TMEM117: variants seen among roughly 807,000 people sequenced by gnomAD.
TMEM117 encodes the protein transmembrane protein 117.
In TMEM117, 27 loss-of-function variants were observed where a neutral mutation model predicts 52.4. The observed-to-expected ratio is 0.51, with a 90% CI of 0.38 to 0.71. TMEM117 has a LOEUF of 0.71. Among genes scored for constraint, TMEM117 ranks in the 30% least tolerant of loss-of-function variants. The pLI, the probability that TMEM117 is intolerant of heterozygous loss-of-function variation, is 0.00. For synonymous variants in TMEM117, 215 were observed against 206.3 expected (o/e 1.04, Z -0.36); for missense variants, 556 against 630.5 (o/e 0.88, Z 1.26).
chr12:44,349,906 A>G (rs1413989202), intron 6 of TMEM117, among the ~76,000 whole-genome samples: 1 of 152,056 alleles, frequency 6.6e-6, no homozygotes, highest in Non-Finnish European at 1.5e-5. Context: ...AGTATCAGCC[A>G]ATTTGCCACA....
At chr12:44,249,043 G>A (rs1950165709) in intron 5 of TMEM117, 1 of 152,254 alleles carries the variant, frequency 6.6e-6, no homozygotes, top group Non-Finnish European at 1.5e-5. Context: ...AGGAAGCATG[G>A]TGCTGACATC....
Position 44,127,196 on chromosome 12 carries a change from T to C in TMEM117, c.411-16329T>C, listed in dbSNP as rs75048928. 3.9e-4 allele frequency among the ~76,000 whole-genome samples: 59 copies of C among 152,336 alleles called. 1 individual carries two copies. The East Asian group carries it at 9.8e-3, about 25-fold the overall frequency. On this transcript the variant is annotated intron_variant, in intron 3 of 7. Coordinates refer to ENST00000266534, the MANE Select transcript of TMEM117 (RefSeq NM_032256.3). ...AGAGATTTTAAAATATTGTGTCATA[T>C]GTTGATAGGCATTGTATTTTTGGAT... is the stretch of plus-strand genomic sequence containing the variant.
At chr12:44,264,843 CT>C (rs1195521448) in intron 5 of TMEM117, among the ~76,000 whole-genome samples, 1 of 152,062 alleles carries the variant, frequency 6.6e-6, no homozygotes, top group Admixed American at 6.6e-5. Flanking sequence ...TATACTACAG[CT>C]TTTTAGCATT....
chr12:44,353,305 A>T (rs1951593836), intron 6 of TMEM117, among the ~76,000 whole-genome samples: 1 of 151,932 alleles, frequency 6.6e-6, no homozygotes, highest in Non-Finnish European at 1.5e-5. Flanking sequence ...GTTTAATTAG[A>T]TCCCATTTGT....
chr12:43,845,015 A>T, intron 2 of TMEM117, 87 bp downstream of exon 2: 1 of 1,474,392 alleles, frequency 6.8e-7, no homozygotes, highest in Non-Finnish European at 9.1e-7. Flanking sequence ...CTAAGTGCCA[A>T]TGTAGGAGGC....
rs540526090 is a variant in TMEM117, at chr12:44,200,766, A to T, written c.511-10524A>T. Among the ~76,000 whole-genome samples the T allele has an allele frequency of 2.0e-5, 3 of 152,268 alleles. No individual in the cohort carries two copies. The East Asian group carries it at 5.8e-4, about 29-fold the overall frequency. On this transcript the variant is annotated intron_variant, in intron 4 of 7. Coordinates refer to ENST00000266534, the MANE Select transcript of TMEM117 (RefSeq NM_032256.3). ...GAGGAAACATGATGGTTACTGATCAAAGGCAAAGTTGGTAAAGGACAGTTC... is the reference window on the plus strand; with the variant it reads ...GAGGAAACATGATGGTTACTGATCATAGGCAAAGTTGGTAAAGGACAGTTC...
chr12:44,028,935 A>C (rs924282797), intron 3 of TMEM117, among the ~76,000 whole-genome samples: 4 of 152,124 alleles, frequency 2.6e-5, no homozygotes, highest in Non-Finnish European at 4.4e-5. Flanking sequence ...CCAAATGCTA[A>C]CTTTGGGTAA....
intron 6 of TMEM117, among the ~76,000 whole-genome samples, chr12:44,351,644 A>C (rs1435950142): frequency 6.6e-6 from 1 of 151,810 alleles, no homozygotes; most frequent in Non-Finnish European, 1.5e-5. Context: ...TTCTTGGCAC[A>C]TACTCTTTTA....
intron 3 of TMEM117, among the ~76,000 whole-genome samples, chr12:43,998,253 G>T (rs977249516): frequency 3.9e-5 from 6 of 152,212 alleles, no homozygotes; most frequent in Non-Finnish European, 4.4e-5. Context: ...GACATTGGTA[G>T]AGGGAAAGGC....
intron 3 of TMEM117, among the ~76,000 whole-genome samples, chr12:44,116,389 A>C (rs984719331): frequency 2.0e-5 from 3 of 151,996 alleles, no homozygotes; most frequent in Non-Finnish European, 4.4e-5. Flanking sequence ...ACCTACTATT[A>C]AAACTACAAA....
At chr12:43,982,689 G>A (rs1172801827) in intron 3 of TMEM117, among the ~76,000 whole-genome samples, 1 of 152,084 alleles carries the variant, frequency 6.6e-6, no homozygotes, top group Non-Finnish European at 1.5e-5. Context: ...AAAAATCACA[G>A]AACAAATTCC....
chr12:44,229,267 G>A (rs908797164), intron 5 of TMEM117, among the ~76,000 whole-genome samples: 9 of 152,092 alleles, frequency 5.9e-5, no homozygotes, highest in African/African-American at 2.2e-4. Context: ...ATCAGAGAAT[G>A]AAATGGGGAG....
chr12:44,084,117 T>C (rs560578931), intron 3 of TMEM117, among the ~76,000 whole-genome samples: 9 of 152,176 alleles, frequency 5.9e-5, no homozygotes, highest in Admixed American at 1.3e-4. Context: ...AAATCATATA[T>C]ATAGATAGGT....
At chr12:44,072,442 A>G (rs931718136) in intron 3 of TMEM117, among the ~76,000 whole-genome samples, 3 of 152,094 alleles carry the variant, frequency 2.0e-5, no homozygotes, top group Admixed American at 2.0e-4. Flanking sequence ...TCTCTTTCTG[A>G]CAAGAATTAG....
the TMEM117 span, among the ~76,000 whole-genome samples, chr12:43,808,660 A>G: frequency 4.6e-5 from 7 of 152,000 alleles, no homozygotes; most frequent in African/African-American, 1.4e-4. Context: ...ATGAGCTACT[A>G]CTAGGCCAAG....
chr12:43,996,445 C>T (rs1365533834), intron 3 of TMEM117, among the ~76,000 whole-genome samples: 1 of 152,036 alleles, frequency 6.6e-6, no homozygotes, highest in African/African-American at 2.4e-5. Context: ...AGATCAAGAC[C>T]ACCCTGGATA....
chr12:44,271,542 A>G (rs1400760722), intron 5 of TMEM117, among the ~76,000 whole-genome samples: 1 of 152,098 alleles, frequency 6.6e-6, no homozygotes, highest in Admixed American at 6.6e-5. Context: ...AAAAACTGAC[A>G]GTCCACATGC....
At chr12:44,137,781 C>T (rs1473884268) in intron 3 of TMEM117, among the ~76,000 whole-genome samples, 1 of 152,160 alleles carries the variant, frequency 6.6e-6, no homozygotes, top group Non-Finnish European at 1.5e-5. Flanking sequence ...CAACTACCTA[C>T]CACTGGGTCC....
chr12:43,997,690 C>G (rs1946054200), intron 3 of TMEM117, among the ~76,000 whole-genome samples: 1 of 152,112 alleles, frequency 6.6e-6, no homozygotes, highest in South Asian at 2.1e-4. Flanking sequence ...GCATGGGCCT[C>G]GCATGAATTA....
Sources: allele counts gnomAD v4.1 joint callset (sites outside exome capture counted in the v4.1 genomes callset), GRCh38; gene constraint gnomAD v4.1.1; transcripts MANE v1.5; gene names NCBI Gene and HGNC (gene_info 2026-07-23, HGNC 2026-07-21).